STMN3: variants seen among roughly 807,000 people sequenced by gnomAD.
STMN3 encodes stathmin 3, also known as stathmin-3.
Under a neutral mutation model 23.2 loss-of-function variants are expected in STMN3, and 24 were observed. That is an observed-to-expected ratio of 1.03 (90% confidence interval 0.75 to 1.45). STMN3 has a LOEUF of 1.45. Among genes scored for constraint, STMN3 ranks in the 40% most tolerant of loss-of-function variants. The pLI is 0.00. For missense variants in STMN3, 235 were observed against 237.6 expected, an observed-to-expected ratio of 0.99 and a Z score of 0.07; for synonymous variants, 117 against 103.4, an observed-to-expected ratio of 1.13 and a Z score of -0.80.
chr20:63,642,904 A>G (rs1311649517), intron 3 of STMN3, among the ~76,000 whole-genome samples: 1 of 152,044 alleles, frequency 6.6e-6, no homozygotes, highest in Non-Finnish European at 1.5e-5. Flanking sequence ...CCGGGAAGGG[A>G]ACGGAGCCGC....
intron 1 of STMN3, among the ~76,000 whole-genome samples, chr20:63,647,297 C>T (rs898977856): frequency 2.4e-5 from 3 of 122,778 alleles, no homozygotes; most frequent in East Asian, 4.6e-4. Context: ...GCAAGACTCC[C>T]GTCTCAAAAA....
chr20:63,652,973 A>T lies in STMN3; in HGVS notation c.19+354T>A, dbSNP rs934339460. Among the ~76,000 whole-genome samples the T allele has an allele frequency of 1.3e-5, 2 of 151,182 alleles. No homozygotes were observed. Among genetic ancestry groups the T allele is most frequent in the African/African-American group, 4.9e-5 (2 of 41,120 alleles). On this transcript the variant is annotated intron_variant, in intron 1 of 4. Transcript: ENST00000370053. This position sits in a 1 kb window ranked among gnomAD's most constrained non-coding sequence, Gnocchi z 5.3. ...TCTCGGGTCGCCGGACGCCCCAGGG[A>T]CCCCGCCCGCACATCGCGAGCGCGC...
At chr20:63,651,730 A>T (rs895891885) in intron 1 of STMN3, among the ~76,000 whole-genome samples, 1 of 152,208 alleles carries the variant, frequency 6.6e-6, no homozygotes, top group Admixed American at 6.5e-5. Context: ...CTACCCAGAT[A>T]AGGAGACCCA....
At chr20:63,651,965 C>A (rs1448783961) in intron 1 of STMN3, among the ~76,000 whole-genome samples, 2 of 152,174 alleles carry the variant, frequency 1.3e-5, no homozygotes, top group Non-Finnish European at 2.9e-5. Flanking sequence ...CTGGAGAGGA[C>A]GGCGCTGCCC....
At chr20:63,642,429 T>A in intron 3 of STMN3, 130 bp from the exon 4 acceptor site, 2 of 393,492 alleles carry the variant, frequency 5.1e-6, no homozygotes, top group Non-Finnish European at 8.5e-6. Flanking sequence ...CAGGCCTCGG[T>A]GGGCGCCGGG....
At chr20:63,643,156 C>T (rs1209224420) in intron 3 of STMN3, among the ~76,000 whole-genome samples, 1 of 152,168 alleles carries the variant, frequency 6.6e-6, no homozygotes, top group Non-Finnish European at 1.5e-5. Flanking sequence ...CAGGGCCCAT[C>T]TGGGGACCAC....
In STMN3 at chr20:63,641,350, C is replaced by G. The variant is rs1182191241; in HGVS notation, c.531G>C (p.Glu177Asp). ...CCGTCCCGGGCCCTTAGCCCGACAT[C>G]TCTTCTCGCTGCTCCTTGTTCCTGC... ...EVRRNKEQRE[E>D]MSG Residue 177 changes from glutamate (E) to aspartate (D), a missense_variant, in exon 5 of 5, where the codon GAG (glutamate) becomes GAC (aspartate). Transcript: ENST00000370053. 7 of 1,568,052 alleles carry G rather than the reference C, an allele frequency of 4.5e-6. No homozygotes were observed. The highest frequency in any genetic ancestry group is 6.0e-6 in the Non-Finnish European group (7 of 1,157,380).
At chr20:63,641,442 G>C (rs756325798) in intron 4 of STMN3, 45 bp from the exon 5 acceptor site, 1 of 1,494,418 alleles carries the variant, frequency 6.7e-7, no homozygotes, top group East Asian at 2.5e-5. Context: ...GGGTGGCTTG[G>C]GGCGACTCCG....
chr20:63,648,948 C>T (rs1183288059), intron 1 of STMN3, among the ~76,000 whole-genome samples: 2 of 152,070 alleles, frequency 1.3e-5, no homozygotes, highest in Non-Finnish European at 2.9e-5. Flanking sequence ...CAGGTGTGAG[C>T]ACCTGCATCA....
chr20:63,644,275 C>T lies in STMN3; in HGVS notation c.54G>A (p.Leu18=). 6.2e-7 allele frequency: 1 copy of T among 1,613,684 alleles called. No individual in the cohort carries two copies. The highest frequency in any genetic ancestry group is 1.1e-5 in the South Asian group (1 of 91,044). The change falls in exon 2 of 5, where the codon CTG becomes CTA. Residue 18 remains leucine, a synonymous_variant. Transcript: ENST00000370053. ...YKEKMKELSV[L]SLICSCFYTQ... ...TGTAGAAGCAGGAGCAGATGAGCGA[C>T]AGCACCGACAGCTCCTTCATCTTCT... is the stretch of plus-strand genomic sequence containing the variant.
In STMN3 at chr20:63,640,950, CA is replaced by C. The variant is rs1246990226; in HGVS notation, c.*387del. The C allele has an allele frequency of 2.9e-6, 1 of 339,758 alleles. No individual in the cohort carries two copies. Among genetic ancestry groups the C allele is most frequent in the Non-Finnish European group, 5.6e-6 (1 of 177,364 alleles). The allele number at this position is 339,758 out of a possible 1,614,324, so 21.0% of individuals were successfully genotyped here. On this transcript the variant is annotated 3_prime_UTR_variant, in exon 5 of 5. Transcript: ENST00000370053. Reference sequence around the variant, plus strand: ...AGGTACTGTAGCCTCGCCTGCTGGCCAGGGGCGCCGGCTCAGAGGACCTGCC... The same window carrying C: ...AGGTACTGTAGCCTCGCCTGCTGGCCGGGGCGCCGGCTCAGAGGACCTGCC...
Position 63,641,877 on chromosome 20 carries a change from G to A in STMN3, c.483+231C>T, listed in dbSNP as rs1165443859. Among the ~76,000 whole-genome samples, 14 of 104,520 alleles carry A rather than the reference G, an allele frequency of 1.3e-4. No homozygotes were observed. In the South Asian group the frequency reaches 4.5e-3, roughly 33 times the overall value. The allele number at this position is 104,520 out of a possible 152,430, so 68.6% of individuals were successfully genotyped here. ...CCGCCCAGTGCCCCGCCCCCTGCCT[G>A]CTGCTAGCCCTGCCCCCGCCCCGGC... On this transcript the variant is annotated intron_variant, in intron 4 of 4. Transcript: ENST00000370053.
chr20:63,641,793 G>A (rs908722220), intron 4 of STMN3, among the ~76,000 whole-genome samples: 1 of 133,400 alleles, frequency 7.5e-6, no homozygotes, highest in African/African-American at 2.8e-5. Context: ...CCCCAGCTCA[G>A]CGCCTCGGAG....
Position 63,642,257 on chromosome 20 carries a change from C to A in STMN3, c.334G>T (p.Glu112Ter). The A allele has an allele frequency of 6.5e-7, 1 of 1,545,824 alleles. No individual in the cohort carries two copies. The highest frequency in any genetic ancestry group is 8.7e-7 in the Non-Finnish European group (1 of 1,147,828). The change falls in exon 4 of 5, where the codon GAG becomes TAG. Residue 112 changes from glutamate (E) to a stop codon, truncating the protein, a stop_gained. Transcript: ENST00000370053. LOFTEE classifies it high-confidence loss of function. ...QVLKQLAERR[E>*]HEREVLHKAL... is the part of the protein sequence containing the mutation. ...TTGTGCAGCACCTCGCGCTCGTGCT[C>A]GCGCCGCTCCGCCAGCTGCTTCAGC... is the stretch of plus-strand genomic sequence containing the variant.
intron 4 of STMN3, among the ~76,000 whole-genome samples, chr20:63,641,863 C>G (rs1396610226): frequency 6.8e-6 from 1 of 147,364 alleles, no homozygotes; most frequent in African/African-American, 2.5e-5. Flanking sequence ...CGCCCAGTGC[C>G]CCGCCCCCTG....
At chr20:63,647,952 A>ATGTG (rs2089829175) in intron 1 of STMN3, among the ~76,000 whole-genome samples, 1 of 47,290 alleles carries the variant, frequency 2.1e-5, no homozygotes, top group Non-Finnish European at 4.3e-5. Flanking sequence ...GTGTGTGTAT[A>ATGTG]TATATATGTA....
rs760406271 is a variant in STMN3, at chr20:63,644,227, G to A, written c.102C>T (p.Val34=). 53 of 1,613,464 alleles carry A rather than the reference G, an allele frequency of 3.3e-5. No individual in the cohort carries two copies. The highest frequency in any genetic ancestry group is 4.2e-5 in the Non-Finnish European group (49 of 1,179,754). ...CCAGGCACTCACCCCCGTACTGGTA[G>A]ACGGTATTGGGGTGCGGCTGTGTGT... ...CFYTQPHPNT[V]YQYGDMEVKQ... Residue 34 remains valine (V), a synonymous_variant, in exon 2 of 5, where the codon GTC becomes GTT. Coordinates refer to ENST00000370053, the MANE Select transcript of STMN3 (RefSeq NM_015894.4).
chr20:63,641,576 A>G (rs1375510505), intron 4 of STMN3, among the ~76,000 whole-genome samples, 179 bp from the exon 5 acceptor site: 1 of 151,984 alleles, frequency 6.6e-6, no homozygotes, highest in Non-Finnish European at 1.5e-5. Context: ...GAGCAAGGCC[A>G]GGGACCAAGG....
intron 1 of STMN3, among the ~76,000 whole-genome samples, chr20:63,648,622 G>A (rs973212713): frequency 6.6e-6 from 1 of 152,200 alleles, no homozygotes; most frequent in African/African-American, 2.4e-5. Flanking sequence ...TGTTGCCCCA[G>A]CTACTCAGGA....
Sources: gnomAD v4.1 joint callset for allele counts (sites outside exome capture counted in the v4.1 genomes callset) on GRCh38, gnomAD v4.1.1 for gene constraint, Gnocchi (gnomAD v3.1) non-coding constraint, MANE v1.5 for transcripts, NCBI Gene and HGNC (gene_info 2026-07-23, HGNC 2026-07-21) for gene names.